Variants in ERO1A observed in about 807,000 individuals in gnomAD.
ERO1A encodes ERO1-like protein alpha.
In ERO1A, 49 loss-of-function variants were observed where a neutral mutation model predicts 76.9. The ratio of observed to expected loss-of-function variants is 0.64; its 90% CI spans 0.51 to 0.81. The LOEUF is 0.81. Among genes scored for constraint, ERO1A ranks in the 30% least tolerant of loss-of-function variants. ERO1A has a pLI of 0.00. For missense variants in ERO1A, 448 were observed against 542.1 expected (o/e 0.83, Z 1.72); for synonymous variants, 174 against 181.2 (o/e 0.96, Z 0.32).
chr14:52,691,454 C>T (rs990061689), intron 1 of ERO1A, among the ~76,000 whole-genome samples: 4 of 152,218 alleles, frequency 2.6e-5, no homozygotes, highest in Non-Finnish European at 5.9e-5. Context: ...CACATAGAGT[C>T]AGTGGACACC....
intron 6 of ERO1A, 37 bp downstream of exon 6, chr14:52,671,593 A>T (rs2040600446): frequency 6.8e-7 from 1 of 1,473,520 alleles, no homozygotes; most frequent in African/African-American, 1.4e-5. Flanking sequence ...CTTAGGTATA[A>T]TTTTAAACAC....
chr14:52,646,157 C>T lies in ERO1A; in HGVS notation c.1343G>A (p.Gly448Glu). The T allele has an allele frequency of 6.2e-7, 1 of 1,609,486 alleles. No homozygotes were observed. Among genetic ancestry groups the T allele is most frequent in the Non-Finnish European group, 8.5e-7 (1 of 1,177,890 alleles). ...QEIVSLFNAF[G>E]RISTSVKELE... Reference sequence around the variant, plus strand: ...ATTTCAGTACATTCAAACTAACCTTCCAAATGCGTTGAATAATGATACTAT... The same window carrying T: ...ATTTCAGTACATTCAAACTAACCTTTCAAATGCGTTGAATAATGATACTAT... Residue 448 changes from glycine (G) to glutamate (E), a missense_variant, in exon 15 of 16, where the codon GGA becomes GAA. Gly to Glu is a moderately conservative substitution (Grantham distance 98). Transcript: ENST00000395686.
In ERO1A at chr14:52,642,756, TATAAAA is replaced by T. The variant is rs1342371751; in HGVS notation, c.*808_*813del. On this transcript the variant is annotated 3_prime_UTR_variant, in exon 16 of 16. Coordinates refer to ENST00000395686, the MANE Select transcript of ERO1A (RefSeq NM_014584.3). Reference sequence around the variant, plus strand: ...AAACTTTTCTGTAAATTGGAAATTATATAAAAATAAAAAGTGTTCCCCAAATTTTAT... The same window carrying T: ...AAACTTTTCTGTAAATTGGAAATTATATAAAAAGTGTTCCCCAAATTTTAT... 2.0e-5 allele frequency: 3 copies of T among 152,716 alleles called. No individual in the cohort carries two copies. The highest frequency in any genetic ancestry group is 7.2e-5 in the African/African-American group (3 of 41,576). The allele number at this position is 152,716 out of a possible 1,614,324, so 9.5% of individuals were successfully genotyped here.
intron 4 of ERO1A, chr14:52,678,189 G>T: frequency 3.4e-6 from 1 of 293,010 alleles, no homozygotes; most frequent in Non-Finnish European, 6.2e-6. Flanking sequence ...GCTTGAACCG[G>T]GGAGGCGGAG....
chr14:52,661,357 T>C, intron 8 of ERO1A, 53 bp from the exon 9 acceptor site: 2 of 1,385,418 alleles, frequency 1.4e-6, no homozygotes, highest in Non-Finnish European at 1.9e-6. Flanking sequence ...AGTGCCCCTT[T>C]TATAATGCTA....
intron 4 of ERO1A, among the ~76,000 whole-genome samples, chr14:52,675,883 C>T (rs1320237237): frequency 1.3e-5 from 2 of 152,094 alleles, no homozygotes; most frequent in Admixed American, 6.5e-5. Flanking sequence ...CGGGGTTTCA[C>T]CATGTTGCCG....
At chr14:52,672,915 A>G (rs1050051147) in intron 4 of ERO1A, among the ~76,000 whole-genome samples, 7 of 152,244 alleles carry the variant, frequency 4.6e-5, no homozygotes, top group Middle Eastern at 6.8e-3. Flanking sequence ...AGTTCTATCA[A>G]GAAGATATTC....
At chr14:52,643,975 A>C (rs2039559454) in intron 15 of ERO1A, among the ~76,000 whole-genome samples, 1 of 151,442 alleles carries the variant, frequency 6.6e-6, no homozygotes, top group Non-Finnish European at 1.5e-5. Flanking sequence ...TGGTCTCTAC[A>C]AAAAAAAATT....
At chr14:52,644,224 C>T (rs1285154213) in intron 15 of ERO1A, among the ~76,000 whole-genome samples, 1 of 152,006 alleles carries the variant, frequency 6.6e-6, no homozygotes, top group African/African-American at 2.4e-5. Context: ...GAGGCCAAGG[C>T]GAGCAGACCA....
At chr14:52,690,390 C>A (rs1414961525) in intron 1 of ERO1A, among the ~76,000 whole-genome samples, 2 of 152,100 alleles carry the variant, frequency 1.3e-5, no homozygotes, top group Non-Finnish European at 2.9e-5. Context: ...TGTTATTATC[C>A]AAAATATAAA....
intron 4 of ERO1A, among the ~76,000 whole-genome samples, chr14:52,677,336 G>A (rs1233167929): frequency 2.0e-5 from 3 of 151,992 alleles, no homozygotes; most frequent in African/African-American, 7.3e-5. Context: ...TAAGTACACA[G>A]TAACTCCTAT....
At chr14:52,653,964 G>A (rs2039960943) in intron 11 of ERO1A, among the ~76,000 whole-genome samples, 1 of 152,098 alleles carries the variant, frequency 6.6e-6, no homozygotes, top group South Asian at 2.1e-4. Flanking sequence ...AAATTATAGA[G>A]TAAGTGTGTT....
intron 3 of ERO1A, among the ~76,000 whole-genome samples, chr14:52,680,053 C>T (rs1351550579): frequency 2.8e-5 from 4 of 144,194 alleles, no homozygotes; most frequent in Non-Finnish European, 6.0e-5. Context: ...GAGTGAGACC[C>T]TGTCTCAAAA....
At chr14:52,670,180 A>G (rs1024197682) in intron 6 of ERO1A, among the ~76,000 whole-genome samples, 1 of 152,204 alleles carries the variant, frequency 6.6e-6, no homozygotes, top group African/African-American at 2.4e-5. Context: ...GATTATAGGC[A>G]TAAGCCAACA....
chr14:52,648,583 T>C (rs1034744711), intron 13 of ERO1A, among the ~76,000 whole-genome samples: 1 of 152,190 alleles, frequency 6.6e-6, no homozygotes, highest in Non-Finnish European at 1.5e-5. Context: ...ACTAAATGCA[T>C]GGTGGCTTTT....
chr14:52,678,048 C>T (rs1452071965), intron 4 of ERO1A, among the ~76,000 whole-genome samples: 1 of 151,856 alleles, frequency 6.6e-6, no homozygotes, highest in Non-Finnish European at 1.5e-5. Flanking sequence ...GGCGGATCAC[C>T]AGAGGTCGGC....
chr14:52,682,289 CAT>C (rs1482118388), intron 3 of ERO1A, 34 bp downstream of exon 3: 2 of 1,427,676 alleles, frequency 1.4e-6, no homozygotes, highest in Non-Finnish European at 1.9e-6. Context: ...AATGAAAAAA[CAT>C]GTAACAGTTT....
chr14:52,686,894 G>GC (rs2041194717), intron 1 of ERO1A, among the ~76,000 whole-genome samples: 1 of 151,800 alleles, frequency 6.6e-6, no homozygotes, highest in African/African-American at 2.4e-5. Flanking sequence ...AAAATGTCCT[G>GC]CCCCTTCCTG....
chr14:52,681,052 G>A (rs528920992), intron 3 of ERO1A, among the ~76,000 whole-genome samples: 11 of 152,198 alleles, frequency 7.2e-5, no homozygotes, highest in Admixed American at 2.0e-4. Context: ...AATGTAAAAC[G>A]GTACAGCCAC....
Sources: gnomAD v4.1 joint callset for allele counts (sites outside exome capture counted in the v4.1 genomes callset) on GRCh38, gnomAD v4.1.1 for gene constraint, MANE v1.5 for transcripts, NCBI Gene and HGNC (gene_info 2026-07-23, HGNC 2026-07-21) for gene names.